ADGRL3: variants seen among roughly 807,000 people sequenced by gnomAD.
ADGRL3 encodes the protein adhesion G protein-coupled receptor L3.
ADGRL3 carries 62 observed loss-of-function variants against 153.5 expected under a neutral mutation model. That is an observed-to-expected ratio of 0.40 (90% CI 0.33 to 0.50). The LOEUF is 0.50. Among genes scored for constraint, ADGRL3 ranks in the 20% least tolerant of loss-of-function variants. ADGRL3 has a pLI of 0.47. For missense variants in ADGRL3, 1,641 were observed against 1,859.4 expected (o/e 0.88, Z 2.16); for synonymous variants, 710 against 672.5 (o/e 1.06, Z -0.86).
chr4:61,347,988 T>C (rs2151268685), intron 1 of ADGRL3, among the ~76,000 whole-genome samples: 1 of 152,242 alleles, frequency 6.6e-6, no homozygotes. Context: ...TCATTTCTTG[T>C]TCATCATTTA....
intron 4 of ADGRL3, among the ~76,000 whole-genome samples, chr4:61,521,858 A>G (rs564711840): frequency 6.6e-6 from 1 of 152,230 alleles, no homozygotes; most frequent in East Asian, 1.9e-4. Context: ...TCTGGCCCCA[A>G]ATTTAAGGAC....
intron 2 of ADGRL3, among the ~76,000 whole-genome samples, chr4:61,493,061 T>A (rs1195613745): frequency 6.6e-6 from 1 of 152,186 alleles, no homozygotes; most frequent in African/African-American, 2.4e-5. Context: ...GGAAAAATCA[T>A]CATAAAATGT....
intron 1 of ADGRL3, among the ~76,000 whole-genome samples, chr4:61,305,458 A>G (rs2094742722): frequency 6.6e-6 from 1 of 152,290 alleles, no homozygotes; most frequent in African/African-American, 2.4e-5. Flanking sequence ...TTCTGTTTAT[A>G]TAAGTAGATG....
At chr4:61,678,460 T>G (rs1396390474) in intron 6 of ADGRL3, among the ~76,000 whole-genome samples, 1 of 152,054 alleles carries the variant, frequency 6.6e-6, no homozygotes, top group East Asian at 1.9e-4. Context: ...TAAAATGTCT[T>G]TGAGGATAGC....
At chr4:61,869,971 AGAGAAAGAGAGAGAGAGAGG>A (rs1202042913) in intron 9 of ADGRL3, among the ~76,000 whole-genome samples, 37 of 99,010 alleles carry the variant, frequency 3.7e-4, no homozygotes, top group Admixed American at 7.0e-4. Flanking sequence ...AGAGAGAGAG[AGAGAAAGAGAGAGAGAGAGG>A]GAGAGAGAGA....
Position 61,427,178 on chromosome 4 carries a change from G to C in ADGRL3, c.-174+43989G>C, listed in dbSNP as rs1185471225. 3 of 152,338 alleles carry C rather than the reference G, an allele frequency of 2.0e-5. No individual in the cohort carries two copies. In the East Asian group the frequency reaches 5.8e-4, roughly 30 times the overall value. 9.4% of individuals were successfully genotyped at this position (152,338 alleles called of 1,614,324 possible). A position where few individuals can be genotyped will look rare whatever the true frequency, so the allele number is the denominator to read the frequency against. ...TGGGAGGGAAAGCATTCAACATATG[G>C]CCCTCAGGTATTTAAATCAAACAAA... On this transcript the variant is annotated intron_variant, in intron 2 of 26. Transcript: ENST00000683033.
chr4:61,386,718 A>T (rs753145674), intron 2 of ADGRL3, among the ~76,000 whole-genome samples: 1 of 152,214 alleles, frequency 6.6e-6, no homozygotes, highest in Non-Finnish European at 1.5e-5. Flanking sequence ...TTTATCAGCA[A>T]ATATTTTTAG....
chr4:61,685,278 A>G (rs1477994209), intron 6 of ADGRL3, among the ~76,000 whole-genome samples: 1 of 152,096 alleles, frequency 6.6e-6, no homozygotes, highest in Non-Finnish European at 1.5e-5. Context: ...CAATAATTCT[A>G]TCAAACAAGT....
Position 61,711,358 on chromosome 4 carries a change from C to G in ADGRL3, c.584-19264C>G, listed in dbSNP as rs2095977898. On this transcript the variant is annotated intron_variant, in intron 6 of 26. Transcript: ENST00000683033. ...GCACATAAAAAGTAGGCAATGATAG[C>G]TAGTGTTACTTTCTGTCCTTTCCGT... is the stretch of plus-strand genomic sequence containing the variant. Among the ~76,000 whole-genome samples the G allele has an allele frequency of 2.7e-5, 4 of 150,492 alleles. No homozygotes were observed. The South Asian group carries it at 8.4e-4, about 32-fold the overall frequency.
chr4:61,718,679 A>G (rs1293911122), intron 6 of ADGRL3, among the ~76,000 whole-genome samples: 1 of 152,168 alleles, frequency 6.6e-6, no homozygotes, highest in Non-Finnish European at 1.5e-5. Context: ...AAGCTGATTT[A>G]ATTGGTGAGA....
chr4:61,746,243 C>A (rs2096659197), intron 8 of ADGRL3, among the ~76,000 whole-genome samples: 1 of 152,100 alleles, frequency 6.6e-6, no homozygotes, highest in Non-Finnish European at 1.5e-5. Context: ...CTTATACTCC[C>A]ACATATTAAT....
intron 6 of ADGRL3, among the ~76,000 whole-genome samples, chr4:61,694,247 G>A (rs923207701): frequency 2.6e-5 from 3 of 117,158 alleles, no homozygotes; most frequent in Admixed American, 1.2e-4. Context: ...TTGTTGCCTA[G>A]GCTGGTCTCA....
intron 23 of ADGRL3, among the ~76,000 whole-genome samples, chr4:62,036,036 A>T (rs1190438870): frequency 6.6e-6 from 1 of 152,130 alleles, no homozygotes; most frequent in East Asian, 1.9e-4. Flanking sequence ...TTCTTTTTTT[A>T]AAATACACAA....
At chr4:61,812,737 TAA>T (rs2097645447) in intron 8 of ADGRL3, among the ~76,000 whole-genome samples, 1 of 152,206 alleles carries the variant, frequency 6.6e-6, no homozygotes, top group African/African-American at 2.4e-5. Flanking sequence ...ATATTTAAGC[TAA>T]CAATTTTTCA....
chr4:61,991,040 T>C (rs1365625251), intron 19 of ADGRL3, among the ~76,000 whole-genome samples: 1 of 151,720 alleles, frequency 6.6e-6, no homozygotes, highest in Non-Finnish European at 1.5e-5. Flanking sequence ...TATGTATGTA[T>C]GTAAACAGTA....
At chr4:61,864,121 C>G (rs190093023) in intron 9 of ADGRL3, among the ~76,000 whole-genome samples, 2 of 152,322 alleles carry the variant, frequency 1.3e-5, no homozygotes, top group South Asian at 2.1e-4. Context: ...TAGGAACAAA[C>G]TGTACTATGT....
chr4:61,595,358 C>G (rs1021394732), intron 5 of ADGRL3, among the ~76,000 whole-genome samples: 4 of 152,088 alleles, frequency 2.6e-5, no homozygotes, highest in African/African-American at 4.8e-5. Context: ...AGGGCCCAAG[C>G]GTTCTTTAGT....
In ADGRL3 at chr4:61,496,396, G is replaced by A. The variant is rs139239398; in HGVS notation, c.-173-725G>A. Among the ~76,000 whole-genome samples the A allele has an allele frequency of 7.8e-3, 1,183 of 152,254 alleles. 15 individuals carry two copies. The highest frequency in any genetic ancestry group is 0.027 in the African/African-American group (1,122 of 41,552). On this transcript the variant is annotated intron_variant, in intron 2 of 26. Coordinates refer to ENST00000683033, the MANE Select transcript of ADGRL3 (RefSeq NM_001387552.1). Reference sequence around the variant, plus strand: ...TATGTATTTTTAGCCAGGCGCAGTGGCTCATGCCTGTAATCCCAGCACTTT... The same window carrying A: ...TATGTATTTTTAGCCAGGCGCAGTGACTCATGCCTGTAATCCCAGCACTTT...
At chr4:62,026,597 T>A (rs2151448052) in intron 21 of ADGRL3, among the ~76,000 whole-genome samples, 1 of 152,222 alleles carries the variant, frequency 6.6e-6, no homozygotes, top group East Asian at 1.9e-4. Flanking sequence ...CTTTGTATTT[T>A]AATTTTTAAA....
Sources: gnomAD v4.1 joint callset for allele counts (sites outside exome capture counted in the v4.1 genomes callset) on GRCh38, gnomAD v4.1.1 for gene constraint, MANE v1.5 for transcripts, NCBI Gene and HGNC (gene_info 2026-07-23, HGNC 2026-07-21) for gene names.